The following AP2A1 variants were observed in gnomAD, a reference collection of about 807,000 sequenced individuals.
AP2A1 encodes the protein AP-2 complex subunit alpha-1.
In AP2A1, 21 loss-of-function variants were observed where a neutral mutation model predicts 107.3. That is an observed-to-expected ratio of 0.20 (90% CI 0.14 to 0.28). The LOEUF is 0.28. Among genes scored for constraint, AP2A1 ranks in the 10% least tolerant of loss-of-function variants. The pLI, the probability that AP2A1 is intolerant of heterozygous loss-of-function variation, is 1.00. For missense variants in AP2A1, 873 were observed against 1,307.7 expected, an observed-to-expected ratio of 0.67 and a Z score of 5.13; for synonymous variants, 602 against 564.8, an observed-to-expected ratio of 1.07 and a Z score of -0.93.
In AP2A1 at chr19:49,806,199, T is replaced by G. The variant is rs2073378481; in HGVS notation, c.2736T>G (p.Thr912=). The change falls in exon 22 of 23, where the codon ACT becomes ACG. Residue 912 remains threonine (T), a synonymous_variant. Coordinates refer to ENST00000354293, the MANE Select transcript of AP2A1 (RefSeq NM_130787.3). ...ENFVGAGIIQ[T]KALQVGCLLR... ...TCGTGGGGGCGGGGATCATCCAGAC[T>G]AAAGCCCTGCAGGTGGGCTGTCTGC... is the stretch of plus-strand genomic sequence containing the variant. The G allele has an allele frequency of 6.2e-7, 1 of 1,602,402 alleles. No individual in the cohort carries two copies. The highest frequency in any genetic ancestry group is 1.3e-5 in the African/African-American group (1 of 74,742).
In AP2A1 at chr19:49,783,447, C is replaced by T. The variant is rs567553201; in HGVS notation, c.473+723C>T. On this transcript the variant is annotated intron_variant, in intron 4 of 22. Coordinates refer to ENST00000354293, the MANE Select transcript of AP2A1 (RefSeq NM_130787.3). ...CCTAGGCTGCAATGAGTTGTGGTTGCGCCAGTGTACTCCAGCTTGGTGTGC... is the reference window on the plus strand; with the variant it reads ...CCTAGGCTGCAATGAGTTGTGGTTGTGCCAGTGTACTCCAGCTTGGTGTGC... Among the ~76,000 whole-genome samples the T allele has an allele frequency of 4.6e-5, 7 of 152,230 alleles. No individual in the cohort carries two copies. In the South Asian group the frequency reaches 1.0e-3, roughly 23 times the overall value.
At chr19:49,772,005 G>A (rs997853805) in intron 1 of AP2A1, among the ~76,000 whole-genome samples, 1 of 152,136 alleles carries the variant, frequency 6.6e-6, no homozygotes, top group Non-Finnish European at 1.5e-5. Flanking sequence ...GGAGGCAGAA[G>A]GATTGCTTGA....
chr19:49,782,457 C>A, intron 3 of AP2A1, 74 bp from the exon 4 acceptor site: 1 of 1,487,106 alleles, frequency 6.7e-7, no homozygotes, highest in African/African-American at 1.4e-5. Flanking sequence ...GGCCTGGACT[C>A]CTGGGTCTGA....
rs751195683 is a variant in AP2A1 at position 49,802,544 on chromosome 19, C to T, written c.2114+403C>T. The T allele has an allele frequency of 2.1e-5, 34 of 1,605,560 alleles. No homozygotes were observed. The Admixed American group carries it at 3.7e-4, about 17-fold the overall frequency. ...GATTGGATGGCTCAGCGAGCTGGAG[C>T]CGCCTGCCCCCGAGAGCCCCATGGC... On this transcript the variant is annotated intron_variant, in intron 15 of 22. Transcript: ENST00000354293.
chr19:49,800,180 C>A, intron 11 of AP2A1, 30 bp downstream of exon 11: 1 of 1,581,674 alleles, frequency 6.3e-7, no homozygotes, highest in South Asian at 1.1e-5. Flanking sequence ...ACCCTATGAC[C>A]CCACGACAGG....
chr19:49,777,582 C>T (rs911760572), intron 1 of AP2A1, among the ~76,000 whole-genome samples: 8 of 147,748 alleles, frequency 5.4e-5, no homozygotes, highest in African/African-American at 2.0e-4. Flanking sequence ...TTGAAGTGAG[C>T]AGAGATGGTG....
At chr19:49,769,857 T>A (rs1244906208) in intron 1 of AP2A1, among the ~76,000 whole-genome samples, 1 of 151,926 alleles carries the variant, frequency 6.6e-6, no homozygotes, top group Non-Finnish European at 1.5e-5. Context: ...GAGAAGGGAC[T>A]GGTGAGAAAT....
rs989751509 is a variant in AP2A1 at position 49,806,162 on chromosome 19, A to G, written c.2699A>G (p.Asn900Ser). Residue 900 changes from asparagine to serine, a missense_variant, in exon 22 of 23, where the codon AAC (asparagine) becomes AGC (serine). Physicochemically the swap from Asn to Ser is conservative, Grantham distance 46. Transcript: ENST00000354293. ...GCTCTCCTGGACAATGTGGACCCCA[A>G]CCCTGAGAACTTCGTGGGGGCGGGG... is the stretch of plus-strand genomic sequence containing the variant. ...GSALLDNVDP[N>S]PENFVGAGII... is the part of the protein sequence containing the mutation. 14 of 1,579,340 alleles carry G rather than the reference A, an allele frequency of 8.9e-6. No individual in the cohort carries two copies. Among genetic ancestry groups the G allele is most frequent in the Non-Finnish European group, 1.1e-5 (13 of 1,163,324 alleles).
intron 14 of AP2A1, 21 bp from the exon 15 acceptor site, chr19:49,801,960 C>T (rs1044789147): frequency 2.0e-6 from 3 of 1,474,978 alleles, no homozygotes; most frequent in Non-Finnish European, 1.8e-6. Context: ...CTGTCCTCAC[C>T]GTGACCTGCG....
intron 6 of AP2A1, among the ~76,000 whole-genome samples, chr19:49,794,506 T>G (rs2073186583): frequency 6.6e-6 from 1 of 151,948 alleles, no homozygotes; most frequent in Non-Finnish European, 1.5e-5. Context: ...TCAGCCTCAG[T>G]CATTGTTTCA....
chr19:49,781,375 T>C (rs1346814044), intron 1 of AP2A1, among the ~76,000 whole-genome samples: 1 of 152,122 alleles, frequency 6.6e-6, no homozygotes, highest in Non-Finnish European at 1.5e-5. Context: ...GTGAGCACCC[T>C]GCGGCCAGCC....
chr19:49,767,223 C>G (rs746469066), intron 1 of AP2A1, 23 bp downstream of exon 1: 2 of 1,609,700 alleles, frequency 1.2e-6, no homozygotes, highest in African/African-American at 1.3e-5. Flanking sequence ...CCGGGGGACA[C>G]TGGAGACGCG....
At chr19:49,802,341 C>T in intron 15 of AP2A1, 200 bp downstream of exon 15, 1 of 840,126 alleles carries the variant, frequency 1.2e-6, no homozygotes, top group Non-Finnish European at 2.0e-6. Context: ...ACTCTGGACT[C>T]CGCCGACCCT....
chr19:49,802,119 A>C lies in AP2A1; in HGVS notation c.2092A>C (p.Thr698Pro), dbSNP rs1482114005. The change falls in exon 15 of 23, where the codon ACC (threonine) becomes CCC (proline). Residue 698 changes from threonine to proline, a missense_variant. This residue lies in a region of AP2A1 where 416 missense variants were observed against 473.4 expected (regional missense o/e 0.88). Coordinates refer to ENST00000354293, the MANE Select transcript of AP2A1 (RefSeq NM_130787.3). ...GGCCGCCCAGCCCAGCCTGGGGCCC[A>C]CCCCCGAGGAGGCCTTCCTCAGGTA... ...GPAAQPSLGP[T>P]PEEAFLSPGP... 2 of 1,564,702 alleles carry C rather than the reference A, an allele frequency of 1.3e-6. No individual in the cohort carries two copies. The highest frequency in any genetic ancestry group is 2.8e-5 in the African/African-American group (2 of 70,534).
intron 1 of AP2A1, among the ~76,000 whole-genome samples, chr19:49,769,435 C>T (rs115597808): frequency 0.01 from 1,531 of 152,068 alleles, 19 homozygotes; most frequent in African/African-American, 0.034. Context: ...CAGTAGGCCT[C>T]GTGGAGGAAG....
Position 49,806,990 on chromosome 19 carries a change from G to A in AP2A1, c.*232G>A. On this transcript the variant is annotated 3_prime_UTR_variant, in exon 23 of 23. Transcript: ENST00000354293. The stretch of plus-strand genomic sequence containing the variant: ...CTCCCTTTCCCCCCCAAGCACAGAG[G>A]GGAGAGGGGCCAGGGAAGTGGATGT... 1 of 1,528,942 alleles carries A rather than the reference G, an allele frequency of 6.5e-7. No homozygotes were observed. 94.7% of individuals were successfully genotyped at this position (1,528,942 alleles called of 1,614,324 possible).
chr19:49,793,338 C>T (rs1307865149), intron 6 of AP2A1, among the ~76,000 whole-genome samples: 1 of 152,208 alleles, frequency 6.6e-6, no homozygotes, highest in Non-Finnish European at 1.5e-5. Context: ...CACCTGGAGG[C>T]ACAGAGCGCT....
At chr19:49,774,861 G>A (rs916597302) in intron 1 of AP2A1, among the ~76,000 whole-genome samples, 3 of 149,716 alleles carry the variant, frequency 2.0e-5, no homozygotes, top group African/African-American at 7.4e-5. Flanking sequence ...GGAGGTTGCA[G>A]TGAGCCGAGA....
chr19:49,792,383 C>T, intron 5 of AP2A1, among the ~76,000 whole-genome samples: 1 of 148,980 alleles, frequency 6.7e-6, no homozygotes, highest in East Asian at 2.0e-4. Context: ...AGCCCTCACG[C>T]CCCCTGGATG....
Sources: allele counts gnomAD v4.1 joint callset (sites outside exome capture counted in the v4.1 genomes callset), GRCh38; gene constraint gnomAD v4.1.1; regional missense constraint gnomAD v4.1.1; transcripts MANE v1.5; gene names NCBI Gene and HGNC (gene_info 2026-07-23, HGNC 2026-07-21).